NXPH1: variants seen among roughly 807,000 people sequenced by gnomAD.
The protein encoded by NXPH1 is neurexophilin-1.
Under a neutral mutation model 23.7 loss-of-function variants are expected in NXPH1, and 5 were observed. The observed-to-expected ratio is 0.21, with a 90% CI of 0.11 to 0.44. NXPH1 has a LOEUF of 0.44. Among genes scored for constraint, NXPH1 ranks in the 20% least tolerant of loss-of-function variants. The pLI is 0.99. For missense variants in NXPH1, 324 were observed against 321.6 expected (o/e 1.01, Z -0.06); for synonymous variants, 144 against 122.2 (o/e 1.18, Z -1.18).
rs551047430 is a variant in NXPH1, at chr7:8,671,672, A to G, written c.55-79336A>G. Among the ~76,000 whole-genome samples the G allele has an allele frequency of 7.2e-5, 11 of 152,324 alleles. No individual in the cohort carries two copies. The East Asian group carries it at 1.9e-3, about 27-fold the overall frequency. ...TATGTTTTAGATAAGTTTGGTACAG[A>G]AAAACACACTTGTTCAGAAAAATTG... On this transcript the variant is annotated intron_variant, in intron 2 of 2. Transcript: ENST00000405863.
intron 2 of NXPH1, among the ~76,000 whole-genome samples, chr7:8,516,929 C>T (rs1019678433): frequency 1.3e-5 from 2 of 152,186 alleles, no homozygotes; most frequent in East Asian, 3.9e-4. Flanking sequence ...ATCTTAGGGG[C>T]TTCTGTTTTT....
At chr7:8,611,426 A>C (rs1377325208) in intron 2 of NXPH1, among the ~76,000 whole-genome samples, 1 of 152,164 alleles carries the variant, frequency 6.6e-6, no homozygotes, top group Non-Finnish European at 1.5e-5. Flanking sequence ...TAAAGACCAA[A>C]TCTCTGAAGA....
intron 2 of NXPH1, among the ~76,000 whole-genome samples, chr7:8,621,781 C>T (rs1003390424): frequency 2.0e-5 from 3 of 152,110 alleles, no homozygotes; most frequent in East Asian, 3.9e-4. Context: ...TGAGCACTTA[C>T]TACATACATG....
intron 2 of NXPH1, among the ~76,000 whole-genome samples, chr7:8,571,674 T>C (rs903429854): frequency 2.0e-4 from 31 of 152,134 alleles, no homozygotes; most frequent in African/African-American, 7.5e-4. Context: ...AAGCATTAAC[T>C]ACTCTGAAAA....
At chr7:8,686,555 A>G (rs1046680056) in intron 2 of NXPH1, among the ~76,000 whole-genome samples, 4 of 152,164 alleles carry the variant, frequency 2.6e-5, no homozygotes, top group African/African-American at 9.6e-5. Flanking sequence ...TATACACAGT[A>G]AAAGTATAGT....
At chr7:8,487,411 C>T (rs1015943880) in intron 2 of NXPH1, among the ~76,000 whole-genome samples, 1 of 152,130 alleles carries the variant, frequency 6.6e-6, no homozygotes, top group Non-Finnish European at 1.5e-5. Flanking sequence ...TGTGACTTTG[C>T]TCCTCATTTG....
chr7:8,472,811 C>T (rs909875937), intron 2 of NXPH1, among the ~76,000 whole-genome samples: 1 of 152,164 alleles, frequency 6.6e-6, no homozygotes, highest in East Asian at 1.9e-4. Flanking sequence ...AAGGCAGAAG[C>T]CTCAAACAGA....
intron 2 of NXPH1, among the ~76,000 whole-genome samples, chr7:8,612,882 T>A (rs1007305342): frequency 2.0e-5 from 3 of 152,100 alleles, no homozygotes; most frequent in Non-Finnish European, 4.4e-5. Context: ...TTTCCTTGTT[T>A]ACCTTACCTG....
intron 2 of NXPH1, among the ~76,000 whole-genome samples, chr7:8,744,953 C>G (rs999100933): frequency 3.9e-5 from 6 of 152,196 alleles, no homozygotes; most frequent in African/African-American, 9.6e-5. Context: ...TTCAAGGTCT[C>G]TATTAAACCA....
In NXPH1 at chr7:8,751,716, G is replaced by T. The variant is rs941566875; in HGVS notation, c.763G>T (p.Val255Leu). ...YSTDYKLVQK[V>L]CPDYNYHSDT... ...TACAGATTATAAACTGGTACAGAAA[G>T]TGTGCCCTGACTACAACTACCACAG... Residue 255 changes from valine to leucine, a missense_variant, in exon 3 of 3, where the codon GTG (valine) becomes TTG (leucine). Physicochemically the swap from Val to Leu is conservative, Grantham distance 32. Transcript: ENST00000405863. The surrounding 1 kb of genome is among the most constrained non-coding windows in gnomAD (Gnocchi z 4.5). 4.3e-6 allele frequency: 7 copies of T among 1,612,724 alleles called. No individual in the cohort carries two copies. In the African/African-American group the frequency reaches 9.3e-5, roughly 22 times the overall value.
At chr7:8,472,236 C>G (rs906129519) in intron 2 of NXPH1, among the ~76,000 whole-genome samples, 5 of 152,078 alleles carry the variant, frequency 3.3e-5, no homozygotes, top group African/African-American at 1.2e-4. Flanking sequence ...TGACTTTGTT[C>G]AAGTCATTTA....
intron 2 of NXPH1, among the ~76,000 whole-genome samples, chr7:8,743,841 G>T (rs1780421991): frequency 6.6e-6 from 1 of 151,922 alleles, no homozygotes; most frequent in Non-Finnish European, 1.5e-5. Flanking sequence ...CCACCACCGT[G>T]CCCGGCCAAT....
At chr7:8,579,765 GA>G (rs769839142) in intron 2 of NXPH1, among the ~76,000 whole-genome samples, 8 of 152,184 alleles carry the variant, frequency 5.3e-5, no homozygotes, top group Non-Finnish European at 1.0e-4. Context: ...TTGATTGCCA[GA>G]AGCATCTTTG....
intron 2 of NXPH1, among the ~76,000 whole-genome samples, chr7:8,623,584 A>G (rs10282169): frequency 0.35 from 52,460 of 148,286 alleles, 9,900 homozygotes; most frequent in African/African-American, 0.49. Flanking sequence ...GGGGACTAGC[A>G]GAGAGATTTG....
intron 2 of NXPH1, among the ~76,000 whole-genome samples, chr7:8,527,773 C>G (rs1817887496): frequency 6.6e-6 from 1 of 152,122 alleles, no homozygotes; most frequent in African/African-American, 2.4e-5. Context: ...AGACATTTTC[C>G]TCTCCTGAAG....
At chr7:8,470,947 G>T (rs1584177188) in intron 2 of NXPH1, among the ~76,000 whole-genome samples, 4 of 152,018 alleles carry the variant, frequency 2.6e-5, no homozygotes, top group African/African-American at 9.7e-5. Flanking sequence ...CTATGGTTCA[G>T]AGAGGATCTT....
chr7:8,647,537 T>C (rs1223930120), intron 2 of NXPH1, among the ~76,000 whole-genome samples: 3 of 152,156 alleles, frequency 2.0e-5, no homozygotes, highest in African/African-American at 7.2e-5. Context: ...TTTTAATGTT[T>C]ATATTCATGA....
intron 2 of NXPH1, among the ~76,000 whole-genome samples, chr7:8,575,216 A>T (rs1229121478): frequency 1.3e-5 from 2 of 152,220 alleles, no homozygotes; most frequent in East Asian, 3.9e-4. Context: ...TAAAGCAAAT[A>T]AATCAGGTCA....
intron 2 of NXPH1, among the ~76,000 whole-genome samples, chr7:8,706,866 T>C (rs1424915773): frequency 6.6e-6 from 1 of 152,170 alleles, no homozygotes; most frequent in African/African-American, 2.4e-5. Context: ...CAGATTTGTT[T>C]TCATTGTCTA....
Sources: gnomAD v4.1 joint callset for allele counts (sites outside exome capture counted in the v4.1 genomes callset) on GRCh38, gnomAD v4.1.1 for gene constraint, Gnocchi (gnomAD v3.1) non-coding constraint, MANE v1.5 for transcripts, NCBI Gene and HGNC (gene_info 2026-07-23, HGNC 2026-07-21) for gene names.